DZIP1: variants seen among roughly 807,000 people sequenced by gnomAD.
DZIP1 encodes DAZ interacting zinc finger protein 1, also known as cilium assembly protein DZIP1.
A neutral mutation model predicts 107.6 loss-of-function variants in DZIP1; 97 were observed. That is an observed-to-expected ratio of 0.90 (90% CI 0.77 to 1.07). DZIP1 has a LOEUF of 1.07. Among genes scored for constraint, DZIP1 ranks in the 50% least tolerant of loss-of-function variants. The pLI is 0.00. For synonymous variants in DZIP1, 390 were observed against 386.4 expected (o/e 1.01, Z -0.11); for missense variants, 1,035 against 1,063.6 (o/e 0.97, Z 0.37).
intron 2 of DZIP1, 72 bp from the exon 3 acceptor site, chr13:95,643,329 C>T (rs1226487193): frequency 6.6e-6 from 1 of 152,094 alleles, no homozygotes; most frequent in Non-Finnish European, 1.5e-5. Flanking sequence ...GTTGTAATAT[C>T]AAATATATTT....
Position 95,642,141 on chromosome 13 carries a change from C to CCT in DZIP1, c.-113_-112insAG, listed in dbSNP as rs1210489870. 2.2e-6 allele frequency: 3 copies of CCT among 1,374,078 alleles called. No individual in the cohort carries two copies. The African/African-American group carries it at 4.6e-5, about 21-fold the overall frequency. The allele number at this position is 1,374,078 out of a possible 1,614,324, so 85.1% of individuals were successfully genotyped here. ...TCCTCGCTTCCGCGGCGGCGGCGGC[C>CCT]TAAGGTCTGGGCGTCCAGGACGTTG... On this transcript the variant is annotated 5_prime_UTR_variant, in exon 4 of 23. Coordinates refer to ENST00000376829, the MANE Select transcript of DZIP1 (RefSeq NM_198968.4).
At chr13:95,605,803 T>C (rs1459754120) in intron 14 of DZIP1, among the ~76,000 whole-genome samples, 200 bp downstream of exon 14, 1 of 152,254 alleles carries the variant, frequency 6.6e-6, no homozygotes, top group African/African-American at 2.4e-5. Flanking sequence ...ACACCTTTTA[T>C]ACTTTAAGAC....
At chr13:95,642,781 C>T (rs1331390070) in intron 3 of DZIP1, among the ~76,000 whole-genome samples, 1 of 152,078 alleles carries the variant, frequency 6.6e-6, no homozygotes, top group Non-Finnish European at 1.5e-5. Flanking sequence ...ATGAAATTTG[C>T]AGTTAATCAT....
Position 95,639,294 on chromosome 13 carries a change from G to GA in DZIP1, c.597+2000dup, listed in dbSNP as rs755208697. On this transcript the variant is annotated intron_variant, in intron 5 of 22. Coordinates refer to ENST00000376829, the MANE Select transcript of DZIP1 (RefSeq NM_198968.4). ...TAATCATTACTTATCATTCACATTT[G>GA]AAAATCTTCTCTTAGGCCAGGTGTG... is the stretch of plus-strand genomic sequence containing the variant. Among the ~76,000 whole-genome samples the GA allele has an allele frequency of 2.0e-5, 3 of 152,236 alleles. No homozygotes were observed. In the South Asian group the frequency reaches 6.2e-4, roughly 32 times the overall value.
chr13:95,599,251 T>G, intron 15 of DZIP1, 114 bp downstream of exon 15: 2 of 856,840 alleles, frequency 2.3e-6, no homozygotes, highest in Admixed American at 4.4e-5. Context: ...AATCTAAATG[T>G]CTTTCCTAAT....
At chr13:95,583,385 G>T (rs1388376312) in intron 22 of DZIP1, among the ~76,000 whole-genome samples, 1 of 152,078 alleles carries the variant, frequency 6.6e-6, no homozygotes, top group Non-Finnish European at 1.5e-5. Context: ...GACATCAACA[G>T]TTAATATCTA....
At chr13:95,591,175 C>A (rs1027451398) in intron 16 of DZIP1, among the ~76,000 whole-genome samples, 2 of 151,624 alleles carry the variant, frequency 1.3e-5, no homozygotes, top group Non-Finnish European at 2.9e-5. Context: ...ATTACAGGCA[C>A]CCGCCACCAC....
At position 95,633,597 on chromosome 13, in the gene DZIP1, T is replaced by C. The variant is rs142910211; in HGVS notation, c.598-276A>G. Among the ~76,000 whole-genome samples the C allele has an allele frequency of 4.5e-3, 665 of 148,248 alleles. 9 individuals carry two copies. Among genetic ancestry groups the C allele is most frequent in the African/African-American group, 0.016 (634 of 39,872 alleles). On this transcript the variant is annotated intron_variant, in intron 5 of 22. Coordinates refer to ENST00000376829, the MANE Select transcript of DZIP1 (RefSeq NM_198968.4). ...GGGAGACTGAGGGAAGAGAATCACT[T>C]GAACCCAGGAAGCAGATGCTGCAGT... is the stretch of plus-strand genomic sequence containing the variant.
At position 95,586,085 on chromosome 13, in the gene DZIP1, C is replaced by A. The variant is rs548987690; in HGVS notation, c.2270G>T (p.Arg757Leu). ...TEKVEKMFPH[R>L]KNVNKPVGGT... Reference sequence around the variant, plus strand: ...ACCGACTGGTTTGTTCACATTTTTGCGATGTGGAAACATCTTTTCAACTTT... The same window carrying A: ...ACCGACTGGTTTGTTCACATTTTTGAGATGTGGAAACATCTTTTCAACTTT... The change falls in exon 21 of 23, where the codon CGC (arginine) becomes CTC (leucine). Residue 757 changes from arginine to leucine, a missense_variant. Arg to Leu is a moderately radical substitution (Grantham distance 102). Coordinates refer to ENST00000376829, the MANE Select transcript of DZIP1 (RefSeq NM_198968.4). 2 of 1,611,130 alleles carry A rather than the reference C, an allele frequency of 1.2e-6. No individual in the cohort carries two copies. Among genetic ancestry groups the A allele is most frequent in the African/African-American group, 1.3e-5 (1 of 74,728 alleles).
chr13:95,631,140 G>A lies in DZIP1; in HGVS notation c.686-1027C>T, dbSNP rs139664729. ...CTGAGTATATAAGCCAAGTACCCACGTCTAGATACTGAGAACATTTAAGAT... is the reference window on the plus strand; with the variant it reads ...CTGAGTATATAAGCCAAGTACCCACATCTAGATACTGAGAACATTTAAGAT... On this transcript the variant is annotated intron_variant, in intron 6 of 22. Coordinates refer to ENST00000376829, the MANE Select transcript of DZIP1 (RefSeq NM_198968.4). Among the ~76,000 whole-genome samples, 671 of 152,222 alleles carry A rather than the reference G, an allele frequency of 4.4e-3. 8 individuals carry two copies. Among genetic ancestry groups the A allele is most frequent in the African/African-American group, 0.016 (644 of 41,528 alleles).
intron 5 of DZIP1, among the ~76,000 whole-genome samples, chr13:95,639,590 C>CAAAAAAAAAAA (rs34000481): frequency 1.2e-5 from 1 of 85,588 alleles, no homozygotes. Context: ...GACTCCATCT[C>CAAAAAAAAAAA]AAAAAAAAAA....
intron 7 of DZIP1, among the ~76,000 whole-genome samples, chr13:95,626,652 G>C (rs895672402): frequency 2.6e-5 from 4 of 152,110 alleles, no homozygotes; most frequent in African/African-American, 9.7e-5. Flanking sequence ...AACGACTAAA[G>C]TAATAAACAA....
chr13:95,590,023 T>G, intron 17 of DZIP1, 91 bp from the exon 18 acceptor site: 1 of 1,462,170 alleles, frequency 6.8e-7, no homozygotes, highest in Non-Finnish European at 9.2e-7. Context: ...CCTATGCTGC[T>G]GTGGCAATGA....
At position 95,641,910 on chromosome 13, in the gene DZIP1, C is replaced by A; in HGVS notation, c.37-55G>T. ...GAGGCGGGGATGGGGGGCGGGCAGG[C>A]TGGGGAGCTGGGGGTCCGGGGAAGC... On this transcript the variant is annotated intron_variant, in intron 4 of 22. Coordinates refer to ENST00000376829, the MANE Select transcript of DZIP1 (RefSeq NM_198968.4). The surrounding 1 kb of genome is among the most constrained non-coding windows in gnomAD (Gnocchi z 4.3). 9.7e-7 allele frequency: 1 copy of A among 1,030,714 alleles called. No homozygotes were observed. The highest frequency in any genetic ancestry group is 1.3e-6 in the Non-Finnish European group (1 of 755,906). 63.8% of individuals were successfully genotyped at this position (1,030,714 alleles called of 1,614,324 possible). A position where few individuals can be genotyped will look rare whatever the true frequency, so the allele number is the denominator to read the frequency against.
intron 14 of DZIP1, among the ~76,000 whole-genome samples, chr13:95,605,246 T>C (rs2044738009): frequency 6.6e-6 from 1 of 151,918 alleles, no homozygotes; most frequent in Non-Finnish European, 1.5e-5. Flanking sequence ...AATGAAAGAG[T>C]GAAATAATCC....
chr13:95,618,546 C>T (rs1168504587), intron 10 of DZIP1, among the ~76,000 whole-genome samples: 3 of 152,290 alleles, frequency 2.0e-5, no homozygotes, highest in Admixed American at 6.5e-5. Flanking sequence ...ATCGAAGTTC[C>T]TCAAGAACTG....
chr13:95,595,964 C>T (rs1033488544), intron 15 of DZIP1, among the ~76,000 whole-genome samples: 6 of 152,092 alleles, frequency 3.9e-5, no homozygotes, highest in African/African-American at 1.4e-4. Flanking sequence ...ATGACAGGTT[C>T]ATTTTGATGA....
chr13:95,641,950 G>A lies in DZIP1; in HGVS notation c.36+44C>T. ...TCCGGGGAAGCCCCGGTTCTCCCCA[G>A]CCCGGCATCCCCGTCGGGGGCGCCC... On this transcript the variant is annotated intron_variant, in intron 4 of 22. Coordinates refer to ENST00000376829, the MANE Select transcript of DZIP1 (RefSeq NM_198968.4). This position sits in a 1 kb window ranked among gnomAD's most constrained non-coding sequence, Gnocchi z 4.3. 6.4e-7 allele frequency: 1 copy of A among 1,555,124 alleles called. No homozygotes were observed. The highest frequency in any genetic ancestry group is 8.6e-7 in the Non-Finnish European group (1 of 1,157,102).
intron 19 of DZIP1, among the ~76,000 whole-genome samples, chr13:95,588,838 A>G (rs1031560339): frequency 6.6e-6 from 1 of 152,258 alleles, no homozygotes; most frequent in Non-Finnish European, 1.5e-5. Context: ...CTAGCCATAA[A>G]AACTCAACAT....
Sources: gnomAD v4.1 joint callset for allele counts (sites outside exome capture counted in the v4.1 genomes callset) on GRCh38, gnomAD v4.1.1 for gene constraint, Gnocchi (gnomAD v3.1) non-coding constraint, MANE v1.5 for transcripts, NCBI Gene and HGNC (gene_info 2026-07-23, HGNC 2026-07-21) for gene names.